The following DIAPH3 variants were observed in gnomAD, a reference collection of about 807,000 sequenced individuals.
The protein encoded by DIAPH3 is diaphanous related formin 3.
In DIAPH3, 117 loss-of-function variants were observed where a neutral mutation model predicts 144.3. The observed-to-expected ratio is 0.81, with a 90% CI of 0.70 to 0.95. The LOEUF (loss-of-function observed/expected upper bound fraction) is 0.95, where lower values mean the gene tolerates loss of function less well. Among genes scored for constraint, DIAPH3 ranks in the 40% least tolerant of loss-of-function variants. The pLI is 0.00. For missense variants in DIAPH3, 1,421 were observed against 1,412.7 expected, an observed-to-expected ratio of 1.01 and a Z score of -0.09; for synonymous variants, 519 against 488.9, an observed-to-expected ratio of 1.06 and a Z score of -0.81.
At chr13:59,923,778 T>A (rs1566523406) in intron 18 of DIAPH3, among the ~76,000 whole-genome samples, 1 of 152,120 alleles carries the variant, frequency 6.6e-6, no homozygotes, top group Non-Finnish European at 1.5e-5. Flanking sequence ...CGCCATACTA[T>A]CCATGGGGAT....
intron 17 of DIAPH3, among the ~76,000 whole-genome samples, chr13:59,968,466 T>C (rs1168517351): frequency 6.6e-6 from 1 of 152,200 alleles, no homozygotes; most frequent in Non-Finnish European, 1.5e-5. Context: ...TACACTAATC[T>C]TATTTGAAGA....
chr13:59,995,692 G>C (rs1029453298), intron 9 of DIAPH3, among the ~76,000 whole-genome samples: 1 of 151,936 alleles, frequency 6.6e-6, no homozygotes, highest in Non-Finnish European at 1.5e-5. Context: ...AAACAGAAAT[G>C]ACCACGGGAG....
At chr13:59,715,194 AC>A (rs1186067009) in intron 27 of DIAPH3, among the ~76,000 whole-genome samples, 2 of 152,214 alleles carry the variant, frequency 1.3e-5, no homozygotes, top group Admixed American at 6.5e-5. Flanking sequence ...TAATGAGAGC[AC>A]ATCATTATCT....
At chr13:59,949,468 TAATTTAATAATATAATCTGAAATA>T (rs1227700442) in intron 17 of DIAPH3, among the ~76,000 whole-genome samples, 1 of 152,188 alleles carries the variant, frequency 6.6e-6, no homozygotes, top group African/African-American at 2.4e-5. Flanking sequence ...GGATCTACTA[TAATTTAATAATATAATCTGAAATA>T]AAACCTCAGT....
At chr13:60,124,852 A>C (rs1423518360) in intron 2 of DIAPH3, among the ~76,000 whole-genome samples, 1 of 152,004 alleles carries the variant, frequency 6.6e-6, no homozygotes, top group African/African-American at 2.4e-5. Flanking sequence ...AAAAGGGGAA[A>C]GAATGAGATA....
intron 22 of DIAPH3, among the ~76,000 whole-genome samples, chr13:59,848,253 C>T (rs1253389663): frequency 1.3e-5 from 2 of 150,532 alleles, no homozygotes; most frequent in East Asian, 3.9e-4. Context: ...CACTCTTTTG[C>T]TCAAAACCTT....
intron 13 of DIAPH3, among the ~76,000 whole-genome samples, chr13:59,982,314 C>G (rs2051069286): frequency 2.0e-5 from 3 of 151,332 alleles, no homozygotes; most frequent in Non-Finnish European, 3.0e-5. Flanking sequence ...TCCTAAATGA[C>G]CCAGTGGAAT....
chr13:59,844,865 C>T (rs918097924), intron 22 of DIAPH3, among the ~76,000 whole-genome samples: 1 of 152,090 alleles, frequency 6.6e-6, no homozygotes, highest in African/African-American at 2.4e-5. Context: ...GGCAAAAGGA[C>T]CATAAATCCC....
intron 22 of DIAPH3, among the ~76,000 whole-genome samples, chr13:59,850,888 T>C (rs1414326300): frequency 2.7e-4 from 40 of 147,136 alleles, no homozygotes; most frequent in Middle Eastern, 6.8e-3. Flanking sequence ...TAATCAATAG[T>C]TTACCAACCA....
At position 59,965,255 on chromosome 13, in the gene DIAPH3, A is replaced by G. The variant is rs189094039; in HGVS notation, c.2074+4689T>C. Reference sequence around the variant, plus strand: ...CAGTTGAGAAATAATTTATAAACCAATTTATGGGCCCTATCTGGCAAAAAT... The same window carrying G: ...CAGTTGAGAAATAATTTATAAACCAGTTTATGGGCCCTATCTGGCAAAAAT... On this transcript the variant is annotated intron_variant, in intron 17 of 27. Transcript: ENST00000400324. 1.3e-3 allele frequency among the ~76,000 whole-genome samples: 203 copies of G among 152,264 alleles called. 1 individual carries two copies. Among genetic ancestry groups the G allele is most frequent in the Admixed American group, 0.011 (171 of 15,290 alleles).
chr13:60,125,803 T>C (rs1218559073), intron 2 of DIAPH3, among the ~76,000 whole-genome samples: 1 of 152,076 alleles, frequency 6.6e-6, no homozygotes, highest in South Asian at 2.1e-4. Flanking sequence ...AGGTGGCATT[T>C]TGGGTAGCAA....
intron 3 of DIAPH3, among the ~76,000 whole-genome samples, chr13:60,096,707 T>C (rs1373388836): frequency 1.3e-5 from 2 of 152,198 alleles, no homozygotes; most frequent in Non-Finnish European, 2.9e-5. Flanking sequence ...CTTCTGGAGC[T>C]GAGACAAACT....
At chr13:59,861,327 C>A in intron 22 of DIAPH3, 80 bp downstream of exon 22, 2 of 1,607,806 alleles carry the variant, frequency 1.2e-6, no homozygotes, top group Non-Finnish European at 1.7e-6. Context: ...GTGGAAAGTA[C>A]ATACAAATAA....
intron 24 of DIAPH3, among the ~76,000 whole-genome samples, chr13:59,825,724 C>T (rs1593568433): frequency 6.6e-6 from 1 of 152,144 alleles, no homozygotes; most frequent in African/African-American, 2.4e-5. Context: ...TAATAATTGC[C>T]ATTCTAACTG....
intron 27 of DIAPH3, among the ~76,000 whole-genome samples, chr13:59,747,333 T>C (rs943554005): frequency 2.0e-5 from 3 of 152,196 alleles, no homozygotes; most frequent in East Asian, 1.9e-4. Context: ...TAAATATTTA[T>C]GTGACTTACA....
intron 20 of DIAPH3, among the ~76,000 whole-genome samples, chr13:59,881,690 C>T (rs536100782): frequency 2.3e-4 from 35 of 151,928 alleles, no homozygotes; most frequent in African/African-American, 7.7e-4. Flanking sequence ...GGGACAGGTA[C>T]CTTGAAAAGA....
chr13:59,717,323 G>A (rs932707278), intron 27 of DIAPH3, among the ~76,000 whole-genome samples: 1 of 152,184 alleles, frequency 6.6e-6, no homozygotes. Context: ...GTATTTTGAA[G>A]TATCTTCTCA....
intron 27 of DIAPH3, among the ~76,000 whole-genome samples, chr13:59,669,764 A>G (rs1459417420): frequency 6.6e-6 from 1 of 152,146 alleles, no homozygotes; most frequent in Non-Finnish European, 1.5e-5. Context: ...TGCTCCAGCT[A>G]TCTAAATTCT....
intron 4 of DIAPH3, among the ~76,000 whole-genome samples, chr13:60,067,112 T>C (rs998226574): frequency 3.3e-5 from 5 of 151,886 alleles, no homozygotes; most frequent in African/African-American, 9.7e-5. Flanking sequence ...GACCCCCATC[T>C]CTACAAAAAA....
Sources: allele counts gnomAD v4.1 joint callset (sites outside exome capture counted in the v4.1 genomes callset), GRCh38; gene constraint gnomAD v4.1.1; transcripts MANE v1.5; gene names NCBI Gene and HGNC (gene_info 2026-07-23, HGNC 2026-07-21).